EDNRB: variants seen among roughly 807,000 people sequenced by gnomAD.
EDNRB encodes the protein endothelin receptor type B.
EDNRB carries 18 observed loss-of-function variants against 46.4 expected under a neutral mutation model. That is an observed-to-expected ratio of 0.39 (90% CI 0.27 to 0.57). EDNRB has a LOEUF of 0.57. EDNRB is among the 20% of genes least tolerant of loss of function. The pLI, the probability that EDNRB is intolerant of heterozygous loss-of-function variation, is 0.61. For missense variants in EDNRB, 434 were observed against 537.5 expected (o/e 0.81, Z 1.90); for synonymous variants, 213 against 204.9 (o/e 1.04, Z -0.34).
chr13:77,954,792 C>T (rs139805488), intron 1 of EDNRB, among the ~76,000 whole-genome samples: 2 of 152,214 alleles, frequency 1.3e-5, no homozygotes, highest in South Asian at 2.1e-4. Flanking sequence ...CAGGTGTGAG[C>T]CAACATGCCC....
intron 1 of EDNRB, among the ~76,000 whole-genome samples, chr13:77,957,879 G>A (rs1036236504): frequency 6.6e-6 from 1 of 152,066 alleles, no homozygotes; most frequent in East Asian, 1.9e-4. Context: ...TAAAATGTTG[G>A]CCACTCAAAA....
At chr13:77,912,152 A>G (rs527479178) in intron 1 of EDNRB, among the ~76,000 whole-genome samples, 6 of 152,080 alleles carry the variant, frequency 3.9e-5, no homozygotes, top group African/African-American at 7.2e-5. Context: ...AATATCTTCA[A>G]TCTTGAAAGA....
upstream of EDNRB, among the ~76,000 whole-genome samples, chr13:77,922,222 G>A (rs541790532): frequency 3.9e-5 from 6 of 152,104 alleles, no homozygotes; most frequent in East Asian, 7.7e-4. Context: ...TTCCAGATTG[G>A]CTAAGATCAC....
intron 1 of EDNRB, among the ~76,000 whole-genome samples, chr13:77,966,281 C>T (rs781089681): frequency 5.3e-5 from 8 of 152,148 alleles, no homozygotes; most frequent in Non-Finnish European, 8.8e-5. Flanking sequence ...TTGGCTTACT[C>T]ATTTGGGTGG....
Position 77,897,996 on chromosome 13 carries a change from ATTCCCACTGATTTTCT to A in EDNRB, c.*188_*203del. ...GTGCTTTCACGACGAGGCTTTCTTA[ATTCCCACTGATTTTCT>A]TTCCATGCCGTAAACAGCTCATAAA... On this transcript the variant is annotated 3_prime_UTR_variant, in exon 7 of 7. Transcript: ENST00000646607. The A allele has an allele frequency of 7.3e-7, 1 of 1,372,582 alleles. No individual in the cohort carries two copies. Among genetic ancestry groups the A allele is most frequent in the East Asian group, 2.8e-5 (1 of 35,236 alleles). The allele number at this position is 1,372,582 out of a possible 1,614,324, so 85.0% of individuals were successfully genotyped here. A position where few individuals can be genotyped will look rare whatever the true frequency, so the allele number is the denominator to read the frequency against.
At chr13:77,919,166 G>A, upstream of EDNRB, 1 of 567,450 alleles carries the variant, frequency 1.8e-6, no homozygotes, top group Non-Finnish European at 2.9e-6. Context: ...GTGCGCCGGA[G>A]ATTCGGAAAC....
At chr13:77,932,934 G>C (rs574469427) in intron 1 of EDNRB, among the ~76,000 whole-genome samples, 1 of 152,076 alleles carries the variant, frequency 6.6e-6, no homozygotes, top group African/African-American at 2.4e-5. Flanking sequence ...TAATAAATCT[G>C]TTATGACCAA....
At chr13:77,919,666 C>A (rs982614163), upstream of EDNRB, 5 of 1,518,244 alleles carry the variant, frequency 3.3e-6, no homozygotes, top group Admixed American at 5.8e-5. Flanking sequence ...CTTCCGACCC[C>A]GCTGCAACCT....
intron 1 of EDNRB, among the ~76,000 whole-genome samples, chr13:77,904,822 A>G (rs188867244): frequency 6.6e-6 from 1 of 152,138 alleles, no homozygotes; most frequent in East Asian, 1.9e-4. Context: ...GGTCTTAAAA[A>G]TAGTTTGAAA....
chr13:77,947,546 A>G (rs901660255), intron 1 of EDNRB: 3 of 152,106 alleles, frequency 2.0e-5, no homozygotes, highest in Admixed American at 1.3e-4. Context: ...TACAGGCACA[A>G]TCCCACTACC....
upstream of EDNRB, among the ~76,000 whole-genome samples, chr13:77,922,117 G>C (rs908980795): frequency 1.3e-5 from 2 of 151,208 alleles, no homozygotes; most frequent in Non-Finnish European, 2.9e-5. Flanking sequence ...TTGCATTTAT[G>C]AGAGGATTTT....
intron 1 of EDNRB, among the ~76,000 whole-genome samples, chr13:77,945,736 CT>C (rs1880885250): frequency 1.3e-5 from 2 of 152,036 alleles, no homozygotes. Context: ...GCACCTACAG[CT>C]ATAGCAAATA....
At chr13:77,919,097 C>G (rs574983761), upstream of EDNRB, 17 of 483,170 alleles carry the variant, frequency 3.5e-5, no homozygotes, top group Admixed American at 1.2e-4. Context: ...CTCCTCCCGG[C>G]GGATGAAAGC....
In EDNRB at chr13:77,898,340, C is replaced by G; in HGVS notation, c.1195-6G>C. The G allele has an allele frequency of 6.2e-7, 1 of 1,611,478 alleles. No individual in the cohort carries two copies. Among genetic ancestry groups the G allele is most frequent in the Non-Finnish European group, 8.5e-7 (1 of 1,178,450 alleles). On this transcript the variant is annotated splice_polypyrimidine_tract_variant and splice_region_variant and intron_variant, in intron 6 of 6. Coordinates refer to ENST00000646607, the MANE Select transcript of EDNRB (RefSeq NM_001122659.3). Reference sequence around the variant, plus strand: ...CACCAGCAGCATAAGCATGACTGTACAAAACAAAGTAACTCATTATATGTT... The same window carrying G: ...CACCAGCAGCATAAGCATGACTGTAGAAAACAAAGTAACTCATTATATGTT...
At chr13:77,908,162 C>T (rs997754395) in intron 1 of EDNRB, among the ~76,000 whole-genome samples, 7 of 151,580 alleles carry the variant, frequency 4.6e-5, no homozygotes, top group African/African-American at 1.7e-4. Flanking sequence ...ACTGTTGCTT[C>T]CATTATTTTG....
At chr13:77,922,123 ATT>A (rs34053276), upstream of EDNRB, among the ~76,000 whole-genome samples, 1 of 146,246 alleles carries the variant, frequency 6.8e-6, no homozygotes. Context: ...TTATGAGAGG[ATT>A]TTTTTTTTTT....
At chr13:77,968,730 A>C (rs1340204409) in intron 1 of EDNRB, among the ~76,000 whole-genome samples, 1 of 152,210 alleles carries the variant, frequency 6.6e-6, no homozygotes, top group Admixed American at 6.5e-5. Flanking sequence ...TCACAGAGTC[A>C]GCTGATCATT....
chr13:77,947,564 A>T (rs1412976036), intron 1 of EDNRB: 1 of 152,034 alleles, frequency 6.6e-6, no homozygotes, highest in Non-Finnish European at 1.5e-5. Flanking sequence ...ACCGATCAAG[A>T]CGGGAGTTTT....
intron 1 of EDNRB, among the ~76,000 whole-genome samples, chr13:77,955,845 GTATCTATC>G (rs61434836): frequency 0.053 from 7,672 of 145,676 alleles, 236 homozygotes; most frequent in Middle Eastern, 0.11. Flanking sequence ...ATGTGTGTGT[GTATCTATC>G]TATCTATCTA....
Sources: gnomAD v4.1 joint callset for allele counts (sites outside exome capture counted in the v4.1 genomes callset) on GRCh38, gnomAD v4.1.1 for gene constraint, MANE v1.5 for transcripts, NCBI Gene and HGNC (gene_info 2026-07-23, HGNC 2026-07-21) for gene names.